Variants in PLCB1 observed in about 807,000 individuals in gnomAD.
PLCB1 encodes phospholipase C beta 1.
In PLCB1, 46 loss-of-function variants were observed where a neutral mutation model predicts 161.8. That is an observed-to-expected ratio of 0.28 (90% CI 0.22 to 0.36). The LOEUF (loss-of-function observed/expected upper bound fraction) is 0.36, where lower values mean the gene tolerates loss of function less well. Among genes scored for constraint, PLCB1 ranks in the 10% least tolerant of loss-of-function variants. The probability of loss-of-function intolerance (pLI) is 1.00; values close to 1 mark genes in which losing one functional copy is unlikely to be tolerated. For synonymous variants in PLCB1, 517 were observed against 503.7 expected (o/e 1.03, Z -0.35); for missense variants, 1,016 against 1,472.5 (o/e 0.69, Z 5.07).
At chr20:8,135,527 G>C (rs2051336331) in intron 1 of PLCB1, among the ~76,000 whole-genome samples, 1 of 152,096 alleles carries the variant, frequency 6.6e-6, no homozygotes, top group African/African-American at 2.4e-5. Flanking sequence ...ACAGCAGGGG[G>C]GTAATAGATC....
intron 9 of PLCB1, among the ~76,000 whole-genome samples, chr20:8,672,557 G>C (rs922163834): frequency 6.6e-6 from 1 of 152,106 alleles, no homozygotes; most frequent in South Asian, 2.1e-4. Flanking sequence ...GCCATGATGT[G>C]GGCATTTCCT....
chr20:8,626,093 G>A (rs369227593), intron 3 of PLCB1, among the ~76,000 whole-genome samples: 4 of 149,708 alleles, frequency 2.7e-5, no homozygotes, highest in African/African-American at 4.9e-5. Flanking sequence ...CAGGAGAATC[G>A]CTTGAACCCA....
intron 31 of PLCB1, among the ~76,000 whole-genome samples, chr20:8,871,619 G>T (rs78549020): frequency 6.6e-6 from 1 of 152,008 alleles, no homozygotes; most frequent in African/African-American, 2.4e-5. Flanking sequence ...CACCAAACAG[G>T]GCCTTGCATG....
intron 2 of PLCB1, among the ~76,000 whole-genome samples, chr20:8,212,298 T>C (rs1978867012): frequency 6.6e-6 from 1 of 152,164 alleles, no homozygotes; most frequent in Admixed American, 6.6e-5. Context: ...CTCAATTTCC[T>C]AAGTCTAGAA....
intron 3 of PLCB1, among the ~76,000 whole-genome samples, chr20:8,421,297 C>T (rs552982844): frequency 1.0e-3 from 156 of 152,210 alleles, no homozygotes; most frequent in African/African-American, 3.5e-3. Context: ...GTGGAAACTG[C>T]CTTTTCAGAA....
At chr20:8,420,124 T>A (rs75373453) in intron 3 of PLCB1, among the ~76,000 whole-genome samples, 1 of 152,162 alleles carries the variant, frequency 6.6e-6, no homozygotes, top group East Asian at 1.9e-4. Flanking sequence ...GCCCTTAATT[T>A]CCTTACCTGT....
chr20:8,216,266 G>C (rs376892262), intron 2 of PLCB1, among the ~76,000 whole-genome samples: 9 of 151,772 alleles, frequency 5.9e-5, no homozygotes, highest in African/African-American at 1.9e-4. Flanking sequence ...TCTATTCACA[G>C]AATGAATTTA....
At chr20:8,570,120 C>G (rs2123047740) in intron 3 of PLCB1, among the ~76,000 whole-genome samples, 1 of 152,318 alleles carries the variant, frequency 6.6e-6, no homozygotes, top group Admixed American at 6.5e-5. Flanking sequence ...GAACTAGAAA[C>G]TAGATGCTTC....
At position 8,491,007 on chromosome 20, in the gene PLCB1, A is replaced by G. The variant is rs191047523; in HGVS notation, c.246+119557A>G. On this transcript the variant is annotated intron_variant, in intron 3 of 31. Transcript: ENST00000338037. ...CAAATATTTTCTCCAAGTCTGTGGC[A>G]TGTCTTTTCATTCTTATAACACCGT... Among the ~76,000 whole-genome samples the G allele has an allele frequency of 1.8e-3, 267 of 151,520 alleles. 11 individuals carry two copies. Among genetic ancestry groups the G allele is most frequent in the Admixed American group, 0.015 (232 of 15,250 alleles).
chr20:8,744,150 C>G (rs1486025665), intron 23 of PLCB1, among the ~76,000 whole-genome samples: 3 of 151,878 alleles, frequency 2.0e-5, no homozygotes, highest in African/African-American at 7.2e-5. Context: ...CATGTGTACC[C>G]CTGAACCTAA....
intron 3 of PLCB1, among the ~76,000 whole-genome samples, chr20:8,515,256 TA>T (rs1433397475): frequency 2.0e-5 from 3 of 152,240 alleles, no homozygotes; most frequent in Non-Finnish European, 2.9e-5. Flanking sequence ...GCTGTTTCAG[TA>T]ATAGCATCTG....
At chr20:8,790,126 A>G in intron 30 of PLCB1, 49 bp from the exon 31 acceptor site, 1 of 1,316,038 alleles carries the variant, frequency 7.6e-7, no homozygotes, top group Non-Finnish European at 1.1e-6. Flanking sequence ...GAAAACGTGC[A>G]CTTTTAAATG....
intron 26 of PLCB1, 123 bp downstream of exon 26, chr20:8,765,481 C>A (rs1982271529): frequency 2.9e-6 from 2 of 679,006 alleles, no homozygotes; most frequent in Admixed American, 3.0e-5. Flanking sequence ...AACCTCCGTT[C>A]TCCATAGCTT....
At chr20:8,388,263 G>A (rs1987488209) in intron 3 of PLCB1, among the ~76,000 whole-genome samples, 1 of 151,992 alleles carries the variant, frequency 6.6e-6, no homozygotes, top group African/African-American at 2.4e-5. Flanking sequence ...TTATTTAAGG[G>A]TTGTCAAATC....
intron 2 of PLCB1, among the ~76,000 whole-genome samples, chr20:8,205,457 G>A (rs1316383306): frequency 1.3e-5 from 2 of 152,092 alleles, no homozygotes; most frequent in Non-Finnish European, 2.9e-5. Flanking sequence ...TATACTATAG[G>A]AAGTAGGAAA....
chr20:8,340,063 C>G (rs941140279), intron 2 of PLCB1, among the ~76,000 whole-genome samples: 10 of 152,206 alleles, frequency 6.6e-5, no homozygotes, highest in African/African-American at 2.4e-4. Context: ...TACTGTAACT[C>G]CCAGCACAAC....
At chr20:8,367,210 T>C (rs1986738497) in intron 2 of PLCB1, among the ~76,000 whole-genome samples, 1 of 152,248 alleles carries the variant, frequency 6.6e-6, no homozygotes, top group East Asian at 1.9e-4. Flanking sequence ...ATGATAGTTA[T>C]AGATTCTTCA....
chr20:8,618,115 T>A (rs998503812), intron 3 of PLCB1, among the ~76,000 whole-genome samples: 2 of 152,148 alleles, frequency 1.3e-5, no homozygotes, highest in African/African-American at 4.8e-5. Flanking sequence ...CAAAGGATTT[T>A]AAAAATCCTC....
chr20:8,712,770 G>A (rs531550904), intron 12 of PLCB1, among the ~76,000 whole-genome samples: 8 of 152,168 alleles, frequency 5.3e-5, no homozygotes, highest in African/African-American at 1.9e-4. Context: ...TGAGTTCCTC[G>A]GTCAGAAAAA....
Sources: gnomAD v4.1 joint callset for allele counts (sites outside exome capture counted in the v4.1 genomes callset) on GRCh38, gnomAD v4.1.1 for gene constraint, MANE v1.5 for transcripts, NCBI Gene and HGNC (gene_info 2026-07-23, HGNC 2026-07-21) for gene names.